Variants in PAK1 observed in about 807,000 individuals in gnomAD.
PAK1 encodes p21 (RAC1) activated kinase 1, also known as serine/threonine-protein kinase PAK 1.
In PAK1, 29 loss-of-function variants were observed where a neutral mutation model predicts 67.4. The observed-to-expected ratio is 0.43, with a 90% CI of 0.32 to 0.59. The LOEUF is 0.59. PAK1 is among the 20% of genes least tolerant of loss of function. The probability of loss-of-function intolerance (pLI) is 0.07; values close to 1 mark genes in which losing one functional copy is unlikely to be tolerated. For missense variants in PAK1, 337 were observed against 670.7 expected (o/e 0.50, Z 5.50); for synonymous variants, 223 against 237.4 (o/e 0.94, Z 0.56).
intron 9 of PAK1, 144 bp from the exon 10 acceptor site, chr11:77,344,075 T>C: frequency 1.6e-6 from 1 of 612,214 alleles, no homozygotes; most frequent in Non-Finnish European, 2.9e-6. Flanking sequence ...TTTGTCTATG[T>C]AGACCAGTGG....
intron 1 of PAK1, among the ~76,000 whole-genome samples, chr11:77,416,590 A>T (rs980434592): frequency 1.3e-5 from 2 of 152,234 alleles, no homozygotes; most frequent in African/African-American, 4.8e-5. Flanking sequence ...CTCTAAAATA[A>T]CAACAAAAAG....
intron 1 of PAK1, among the ~76,000 whole-genome samples, chr11:77,431,430 A>AAC (rs1427719642): frequency 6.6e-5 from 10 of 152,172 alleles, no homozygotes; most frequent in Non-Finnish European, 2.9e-5. Context: ...CAATGAGTTA[A>AAC]ACATATAGCT....
chr11:77,503,095 A>T, the PAK1 span, among the ~76,000 whole-genome samples: 1 of 152,082 alleles, frequency 6.6e-6, no homozygotes, highest in African/African-American at 2.4e-5. Context: ...CCTGCAAATC[A>T]CTGGCTGACT....
chr11:77,500,135 A>T, the PAK1 span, among the ~76,000 whole-genome samples: 1 of 152,224 alleles, frequency 6.6e-6, no homozygotes, highest in Non-Finnish European at 1.5e-5. Flanking sequence ...AGATGAATAT[A>T]CATAACTCAG....
In PAK1 at chr11:77,392,407, A is replaced by G; in HGVS notation, c.114T>C (p.Ser38=). The G allele has an allele frequency of 6.2e-7, 1 of 1,614,046 alleles. No individual in the cohort carries two copies. The highest frequency in any genetic ancestry group is 1.3e-5 in the African/African-American group (1 of 75,038). The change falls in exon 2 of 15, where the codon TCT becomes TCC. Residue 38 remains serine (S), a synonymous_variant. Transcript: ENST00000356341. ...CCTCTGGGTTTGGAGGCAGAGGTTT[A>G]GAACCATGGTTTAGGGTTCCAGCAT... ...SKDAGTLNHG[S]KPLPPNPEEK...
chr11:77,466,759 A>G (rs1003621048), intron 1 of PAK1, among the ~76,000 whole-genome samples: 1 of 152,182 alleles, frequency 6.6e-6, no homozygotes, highest in Non-Finnish European at 1.5e-5. Flanking sequence ...ACCACACCGC[A>G]AAAGTCTAAG....
At chr11:77,450,651 A>C (rs11237189) in intron 1 of PAK1, among the ~76,000 whole-genome samples, 1 of 152,096 alleles carries the variant, frequency 6.6e-6, no homozygotes, top group East Asian at 1.9e-4. Context: ...ATACATTGGC[A>C]TATCTACTGT....
the PAK1 span, among the ~76,000 whole-genome samples, chr11:77,486,682 C>G: frequency 2.0e-5 from 3 of 152,122 alleles, no homozygotes; most frequent in Non-Finnish European, 2.9e-5. Flanking sequence ...TCACTGCCAC[C>G]CTGTCACAGT....
the PAK1 span, among the ~76,000 whole-genome samples, chr11:77,493,903 A>T: frequency 1.1e-4 from 16 of 152,290 alleles, no homozygotes; most frequent in South Asian, 1.9e-3. Flanking sequence ...CCAGTCCATT[A>T]TTTCTGTCAT....
chr11:77,418,640 T>C (rs1001269560), intron 1 of PAK1, among the ~76,000 whole-genome samples: 1 of 152,270 alleles, frequency 6.6e-6, no homozygotes, highest in Non-Finnish European at 1.5e-5. Context: ...AAATTTCATC[T>C]TGTTGGCTTC....
chr11:77,461,587 G>A (rs1157040171), intron 1 of PAK1, among the ~76,000 whole-genome samples: 5 of 152,114 alleles, frequency 3.3e-5, no homozygotes, highest in Admixed American at 3.3e-4. Flanking sequence ...GCGGGAATGT[G>A]TATAAGTCAA....
the PAK1 span, among the ~76,000 whole-genome samples, chr11:77,516,002 A>G: frequency 2.6e-5 from 4 of 152,228 alleles, no homozygotes; most frequent in Non-Finnish European, 4.4e-5. Context: ...TATGATGGAA[A>G]GAAGAAGGGC....
At chr11:77,359,203 C>A (rs1946446653) in intron 5 of PAK1, among the ~76,000 whole-genome samples, 186 bp from the exon 6 acceptor site, 2 of 152,112 alleles carry the variant, frequency 1.3e-5, no homozygotes, top group Non-Finnish European at 2.9e-5. Context: ...CTTCTTTTAG[C>A]CATCACTATC....
At chr11:77,339,083 T>A (rs1332032510) in intron 11 of PAK1, among the ~76,000 whole-genome samples, 1 of 152,168 alleles carries the variant, frequency 6.6e-6, no homozygotes, top group Non-Finnish European at 1.5e-5. Flanking sequence ...TATATCTCAA[T>A]AAAGATTTTT....
At chr11:77,461,811 A>T (rs947810) in intron 1 of PAK1, among the ~76,000 whole-genome samples, 21,593 of 152,228 alleles carry the variant, frequency 0.14, 3,390 homozygotes, top group African/African-American at 0.38. Flanking sequence ...TTATTAGAAT[A>T]GTGTGGCACT....
chr11:77,387,202 AGTT>A (rs547087295), intron 2 of PAK1, among the ~76,000 whole-genome samples: 68 of 151,292 alleles, frequency 4.5e-4, no homozygotes, highest in African/African-American at 1.7e-3. Context: ...CCTCCTGAGT[AGTT>A]GGGATTACAG....
chr11:77,422,009 A>G (rs1005000820), intron 1 of PAK1, among the ~76,000 whole-genome samples: 2 of 152,156 alleles, frequency 1.3e-5, no homozygotes, highest in Non-Finnish European at 2.9e-5. Flanking sequence ...ACTTCTATGA[A>G]GGCTTCCTAT....
chr11:77,455,313 A>T (rs1957036724), intron 1 of PAK1, among the ~76,000 whole-genome samples: 1 of 152,170 alleles, frequency 6.6e-6, no homozygotes, highest in African/African-American at 2.4e-5. Context: ...AAAAAAAAAA[A>T]AAACATTACT....
chr11:77,323,612 G>A (rs545801073), intron 14 of PAK1, among the ~76,000 whole-genome samples: 1 of 152,222 alleles, frequency 6.6e-6, no homozygotes, highest in South Asian at 2.1e-4. Flanking sequence ...AAATTAGTTT[G>A]TATAGCCACC....
Sources: allele counts gnomAD v4.1 joint callset (sites outside exome capture counted in the v4.1 genomes callset), GRCh38; gene constraint gnomAD v4.1.1; transcripts MANE v1.5; gene names NCBI Gene and HGNC (gene_info 2026-07-23, HGNC 2026-07-21).